ELOVL7: variants seen among roughly 807,000 people sequenced by gnomAD.
ELOVL7 encodes very long chain fatty acid elongase 7.
In ELOVL7, 27 loss-of-function variants were observed where a neutral mutation model predicts 35.7. The observed-to-expected ratio is 0.76, with a 90% CI of 0.56 to 1.04. ELOVL7 has a LOEUF of 1.04. ELOVL7 is among the 50% of genes least tolerant of loss of function. The pLI, the probability that ELOVL7 is intolerant of heterozygous loss-of-function variation, is 0.00. For synonymous variants in ELOVL7, 113 were observed against 114.6 expected, an observed-to-expected ratio of 0.99 and a Z score of 0.09; for missense variants, 327 against 340.8, an observed-to-expected ratio of 0.96 and a Z score of 0.32.
chr5:60,784,211 A>G, intron 3 of ELOVL7: 1 of 1,297,026 alleles, frequency 7.7e-7, no homozygotes, highest in Non-Finnish European at 1.0e-6. Context: ...GAAATGAAGA[A>G]GCTGGAAGGA....
chr5:60,838,526 T>C (rs951895655), intron 1 of ELOVL7, among the ~76,000 whole-genome samples: 1 of 152,208 alleles, frequency 6.6e-6, no homozygotes, highest in Non-Finnish European at 1.5e-5. Context: ...AACACTCAAA[T>C]GTTTGTTGAG....
intron 1 of ELOVL7, among the ~76,000 whole-genome samples, chr5:60,837,155 T>C (rs1372817773): frequency 1.3e-5 from 2 of 151,706 alleles, no homozygotes; most frequent in Non-Finnish European, 2.9e-5. Flanking sequence ...CACTGCAGGC[T>C]GGGTGCAGTG....
chr5:60,778,642 CAT>C (rs1439713252), intron 3 of ELOVL7, among the ~76,000 whole-genome samples: 1 of 152,184 alleles, frequency 6.6e-6, no homozygotes, highest in African/African-American at 2.4e-5. Flanking sequence ...CCCTCCATAA[CAT>C]GTGGGGATTA....
chr5:60,794,247 T>C (rs992460618), intron 2 of ELOVL7, among the ~76,000 whole-genome samples: 2 of 152,226 alleles, frequency 1.3e-5, no homozygotes, highest in Admixed American at 6.5e-5. Flanking sequence ...ATTAAAGATG[T>C]CAGGTTCAAA....
intron 3 of ELOVL7, chr5:60,785,970 T>C (rs1743558831): frequency 6.6e-6 from 1 of 152,242 alleles, no homozygotes; most frequent in Admixed American, 6.5e-5. Flanking sequence ...TATAATTTCA[T>C]CTGTGGTAGG....
At chr5:60,828,754 T>C (rs1047980934) in intron 1 of ELOVL7, among the ~76,000 whole-genome samples, 5 of 152,212 alleles carry the variant, frequency 3.3e-5, no homozygotes, top group Non-Finnish European at 7.4e-5. Flanking sequence ...TAAGCACAGC[T>C]AAATAAGTTA....
At chr5:60,795,090 A>G (rs867172590) in intron 2 of ELOVL7, among the ~76,000 whole-genome samples, 1 of 152,220 alleles carries the variant, frequency 6.6e-6, no homozygotes, top group Admixed American at 6.5e-5. Context: ...GAAGCTGTTG[A>G]GCAAAAGCAG....
intron 1 of ELOVL7, among the ~76,000 whole-genome samples, chr5:60,809,798 G>A (rs532811125): frequency 6.6e-6 from 1 of 152,266 alleles, no homozygotes; most frequent in East Asian, 1.9e-4. Context: ...GAAGCAAACA[G>A]ACTAACAATC....
At chr5:60,768,685 C>T in intron 4 of ELOVL7, 1 of 456,034 alleles carries the variant, frequency 2.2e-6, no homozygotes, top group Non-Finnish European at 4.4e-6. Flanking sequence ...TCTTTTAAAA[C>T]AGTATCTGAA....
intron 2 of ELOVL7, among the ~76,000 whole-genome samples, chr5:60,788,942 G>A (rs1743763245): frequency 6.6e-6 from 1 of 152,074 alleles, no homozygotes; most frequent in Non-Finnish European, 1.5e-5. Context: ...ATTGGGCACT[G>A]AATTACCAGA....
intron 2 of ELOVL7, among the ~76,000 whole-genome samples, chr5:60,794,225 CT>C (rs1744110502): frequency 6.6e-6 from 1 of 152,212 alleles, no homozygotes; most frequent in South Asian, 2.1e-4. Context: ...TAATTTGCCT[CT>C]TTAGACCCAA....
At chr5:60,767,663 ATTTT>A (rs908659780) in intron 5 of ELOVL7, among the ~76,000 whole-genome samples, 156 bp downstream of exon 5, 3 of 152,076 alleles carry the variant, frequency 2.0e-5, no homozygotes, top group African/African-American at 7.2e-5. Flanking sequence ...TATACATGTG[ATTTT>A]TTTTATTCTT....
chr5:60,794,420 CAA>C (rs1744121758), intron 2 of ELOVL7, among the ~76,000 whole-genome samples: 1 of 152,114 alleles, frequency 6.6e-6, no homozygotes, highest in East Asian at 1.9e-4. Context: ...CCTTTTTGCC[CAA>C]GTCTATCTCA....
chr5:60,842,154 T>A (rs1007897735), intron 1 of ELOVL7, among the ~76,000 whole-genome samples: 1 of 152,156 alleles, frequency 6.6e-6, no homozygotes, highest in African/African-American at 2.4e-5. Context: ...GAAGGGCATA[T>A]GTGTTCAAAG....
intron 6 of ELOVL7, among the ~76,000 whole-genome samples, chr5:60,766,008 C>G (rs904581481): frequency 6.6e-6 from 1 of 152,120 alleles, no homozygotes; most frequent in Non-Finnish European, 1.5e-5. Flanking sequence ...TCCCAAGACC[C>G]GGTCATCCAA....
chr5:60,780,356 G>A (rs1579818888), intron 3 of ELOVL7, among the ~76,000 whole-genome samples: 1 of 151,970 alleles, frequency 6.6e-6, no homozygotes, highest in Non-Finnish European at 1.5e-5. Flanking sequence ...CCGACCTCAG[G>A]TGACTCACCC....
At chr5:60,801,522 T>C (rs1246201208) in intron 1 of ELOVL7, among the ~76,000 whole-genome samples, 3 of 151,832 alleles carry the variant, frequency 2.0e-5, no homozygotes, top group Non-Finnish European at 4.4e-5. Context: ...GGCAACAAAG[T>C]GAGCCTCCAT....
At chr5:60,807,030 T>G (rs975901536) in intron 1 of ELOVL7, among the ~76,000 whole-genome samples, 4 of 152,206 alleles carry the variant, frequency 2.6e-5, no homozygotes, top group South Asian at 2.1e-4. Flanking sequence ...CAGAGTGGCA[T>G]CTACAACACG....
intron 6 of ELOVL7, among the ~76,000 whole-genome samples, chr5:60,764,730 C>G (rs186117091): frequency 1.3e-5 from 2 of 152,042 alleles, no homozygotes; most frequent in East Asian, 3.9e-4. Context: ...TCTAATACAT[C>G]TTACTGATAT....
Sources: allele counts gnomAD v4.1 joint callset (sites outside exome capture counted in the v4.1 genomes callset), GRCh38; gene constraint gnomAD v4.1.1; transcripts MANE v1.5; gene names NCBI Gene and HGNC (gene_info 2026-07-23, HGNC 2026-07-21).